The following PSD2 variants were observed in gnomAD, a reference collection of about 807,000 sequenced individuals.
The protein encoded by PSD2 is PH and SEC7 domain-containing protein 2.
PSD2 carries 38 observed loss-of-function variants against 69.8 expected under a neutral mutation model. That is an observed-to-expected ratio of 0.54 (90% CI 0.42 to 0.71). The LOEUF (loss-of-function observed/expected upper bound fraction) is 0.71, where lower values mean the gene tolerates loss of function less well. Among genes scored for constraint, PSD2 ranks in the 30% least tolerant of loss-of-function variants. PSD2 has a pLI of 0.00. For synonymous variants in PSD2, 412 were observed against 423.0 expected (o/e 0.97, Z 0.32); for missense variants, 943 against 1,014.5 (o/e 0.93, Z 0.96).
Position 139,795,891 on chromosome 5 carries a change from G to C in PSD2, c.-135G>C, listed in dbSNP as rs910118411. On this transcript the variant is annotated 5_prime_UTR_variant, in exon 1 of 15. Coordinates refer to ENST00000274710, the MANE Select transcript of PSD2 (RefSeq NM_032289.4). The surrounding 1 kb of genome is among the most constrained non-coding windows in gnomAD (Gnocchi z 4.5). ...CGGGCGGGCGCGGGCAGCTCCGACCGGCGGCGGCGGGGCGGGACAGGCAGC... is the reference window on the plus strand; with the variant it reads ...CGGGCGGGCGCGGGCAGCTCCGACCCGCGGCGGCGGGGCGGGACAGGCAGC... 6.6e-6 allele frequency: 1 copy of C among 151,022 alleles called. No individual in the cohort carries two copies. The highest frequency in any genetic ancestry group is 1.5e-5 in the Non-Finnish European group (1 of 67,610). The allele number at this position is 151,022 out of a possible 1,614,324, so 9.4% of individuals were successfully genotyped here. A position where few individuals can be genotyped will look rare whatever the true frequency, so the allele number is the denominator to read the frequency against.
chr5:139,748,759 C>T, the PSD2 span, among the ~76,000 whole-genome samples: 1 of 152,266 alleles, frequency 6.6e-6, no homozygotes, highest in Non-Finnish European at 1.5e-5. Context: ...TGTCTCGGCT[C>T]CGCGGCCACC....
At chr5:139,808,683 G>A (rs1176456781) in intron 1 of PSD2, among the ~76,000 whole-genome samples, 1 of 152,168 alleles carries the variant, frequency 6.6e-6, no homozygotes, top group East Asian at 1.9e-4. Context: ...CCAGACAGCT[G>A]GGGCTCTGGG....
chr5:139,760,885 A>G, the PSD2 span, among the ~76,000 whole-genome samples: 1 of 152,140 alleles, frequency 6.6e-6, no homozygotes, highest in African/African-American at 2.4e-5. Flanking sequence ...AATGATAACA[A>G]CAATGAATGC....
In PSD2 at chr5:139,821,977, G is replaced by T. The variant is rs765777161; in HGVS notation, c.1182G>T (p.Gln394His). Residue 394 changes from glutamine (Q) to histidine (H), a missense_variant, in exon 6 of 15, where the codon CAG becomes CAT. Transcript: ENST00000274710. ...VLTHFSRRYC[Q>H]CNPDDSTSED... is the part of the protein sequence containing the mutation. ...CACACTTCTCCCGCCGGTACTGCCA[G>T]TGCAACCCTGATGACAGCACTTCGG... The T allele has an allele frequency of 1.9e-6, 3 of 1,608,764 alleles. No homozygotes were observed. The highest frequency in any genetic ancestry group is 1.1e-5 in the South Asian group (1 of 90,124).
intron 7 of PSD2, among the ~76,000 whole-genome samples, chr5:139,830,626 C>CTTTCTTTCTCTTTCTTTCTT (rs58644184): frequency 2.0e-5 from 2 of 97,662 alleles, no homozygotes; most frequent in African/African-American, 1.1e-4. Flanking sequence ...TTCTTTCTTT[C>CTTTCTTTCTCTTTCTTTCTT]TCTTTCTTTC....
At chr5:139,763,352 T>G in the PSD2 span, among the ~76,000 whole-genome samples, 1 of 152,188 alleles carries the variant, frequency 6.6e-6, no homozygotes, top group Non-Finnish European at 1.5e-5. Context: ...GCGCTCACTG[T>G]CTTTAAGCCC....
chr5:139,838,780 T>C lies in PSD2; in HGVS notation c.1968+8T>C. ...ACCACCCGCCTCTGCCAGGTACATG[T>C]TCCTGGGTCAACATTTTGCCTCCCC... On this transcript the variant is annotated splice_region_variant and intron_variant, in intron 13 of 14. Transcript: ENST00000274710. The C allele has an allele frequency of 6.2e-7, 1 of 1,606,462 alleles. No individual in the cohort carries two copies. Among genetic ancestry groups the C allele is most frequent in the Non-Finnish European group, 8.5e-7 (1 of 1,174,684 alleles).
chr5:139,769,883 G>A, the PSD2 span, among the ~76,000 whole-genome samples: 64 of 152,242 alleles, frequency 4.2e-4, no homozygotes, highest in African/African-American at 1.5e-3. Context: ...GTCACACAGG[G>A]CCCCATGCTC....
At chr5:139,835,438 T>C (rs1008851207) in intron 8 of PSD2, among the ~76,000 whole-genome samples, 3 of 152,232 alleles carry the variant, frequency 2.0e-5, no homozygotes, top group African/African-American at 7.2e-5. Flanking sequence ...TTCTGGATTA[T>C]GCACTGGAAA....
the PSD2 span, chr5:139,772,741 C>G: frequency 6.6e-6 from 1 of 152,252 alleles, no homozygotes; most frequent in Non-Finnish European, 1.5e-5. Context: ...TGAAACTCCT[C>G]CTCATGCAGC....
intron 7 of PSD2, among the ~76,000 whole-genome samples, chr5:139,825,202 C>T (rs77720335): frequency 0.021 from 3,134 of 152,274 alleles, 52 homozygotes; most frequent in Non-Finnish European, 0.032. Flanking sequence ...GTGATGGGTC[C>T]GGTCTAAGGG....
At chr5:139,774,634 G>A in the PSD2 span, among the ~76,000 whole-genome samples, 68 of 152,238 alleles carry the variant, frequency 4.5e-4, no homozygotes, top group African/African-American at 1.6e-3. Flanking sequence ...GGGATTACAG[G>A]AGCCCACCAC....
the PSD2 span, chr5:139,744,915 G>A: frequency 1.3e-5 from 2 of 152,452 alleles, no homozygotes; most frequent in Admixed American, 1.3e-4. Context: ...GTACATTCAG[G>A]AGGGCATGGT....
intron 2 of PSD2, 112 bp downstream of exon 2, chr5:139,809,923 G>A (rs1348618030): frequency 4.1e-5 from 49 of 1,209,760 alleles, no homozygotes; most frequent in Non-Finnish European, 5.4e-5. Flanking sequence ...CACATAAAAT[G>A]GGGATTTCAT....
intron 5 of PSD2, among the ~76,000 whole-genome samples, chr5:139,818,851 A>C (rs1243568920): frequency 6.6e-6 from 1 of 152,196 alleles, no homozygotes; most frequent in Non-Finnish European, 1.5e-5. Context: ...AATTTATGTT[A>C]TATTTTCCAT....
At chr5:139,790,916 G>C (rs957602580), upstream of PSD2, among the ~76,000 whole-genome samples, 9 of 152,002 alleles carry the variant, frequency 5.9e-5, no homozygotes, top group South Asian at 4.2e-4. Flanking sequence ...GGTTGGGTGG[G>C]GGGGAGCGCC....
At chr5:139,744,598 G>A in the PSD2 span, among the ~76,000 whole-genome samples, 5 of 152,118 alleles carry the variant, frequency 3.3e-5, no homozygotes, top group African/African-American at 1.2e-4. Flanking sequence ...CACGATGGTG[G>A]CAGCGGCGGG....
intron 7 of PSD2, among the ~76,000 whole-genome samples, chr5:139,827,007 T>C (rs1470475193): frequency 6.6e-6 from 1 of 152,214 alleles, no homozygotes; most frequent in South Asian, 2.1e-4. Flanking sequence ...AGATGGGTCA[T>C]ATGCCATTTT....
At chr5:139,748,910 G>GGT in the PSD2 span, among the ~76,000 whole-genome samples, 1 of 152,174 alleles carries the variant, frequency 6.6e-6, no homozygotes, top group African/African-American at 2.4e-5. Context: ...GGTATGTTGG[G>GGT]GGGGGTGAAT....
Sources: gnomAD v4.1 joint callset for allele counts (sites outside exome capture counted in the v4.1 genomes callset) on GRCh38, gnomAD v4.1.1 for gene constraint, Gnocchi (gnomAD v3.1) non-coding constraint, MANE v1.5 for transcripts, NCBI Gene and HGNC (gene_info 2026-07-23, HGNC 2026-07-21) for gene names.